Variants in TMED7 observed in about 807,000 individuals in gnomAD.
The protein encoded by TMED7 is transmembrane p24 trafficking protein 7.
In TMED7, 8 loss-of-function variants were observed where a neutral mutation model predicts 23.4. The ratio of observed to expected loss-of-function variants is 0.34; its 90% CI spans 0.20 to 0.62. The LOEUF (loss-of-function observed/expected upper bound fraction) is 0.62, where lower values mean the gene tolerates loss of function less well. TMED7 is among the 20% of genes least tolerant of loss of function. TMED7 has a pLI of 0.77. For synonymous variants in TMED7, 121 were observed against 108.5 expected (o/e 1.12, Z -0.72); for missense variants, 232 against 279.1 (o/e 0.83, Z 1.20).
At chr5:115,623,347 G>A (rs138501412) in intron 1 of TMED7, among the ~76,000 whole-genome samples, 151 of 152,248 alleles carry the variant, frequency 9.9e-4, no homozygotes, top group African/African-American at 3.6e-3. Flanking sequence ...TTCCTGCTAC[G>A]CAGCTAGTCT....
chr5:115,619,605 G>C (rs918813110), intron 2 of TMED7, among the ~76,000 whole-genome samples: 1 of 152,016 alleles, frequency 6.6e-6, no homozygotes, highest in African/African-American at 2.4e-5. Flanking sequence ...AGATATCTTT[G>C]TGATGGAACC....
At chr5:115,618,336 T>C (rs553106142) in intron 2 of TMED7, among the ~76,000 whole-genome samples, 1 of 152,234 alleles carries the variant, frequency 6.6e-6, no homozygotes, top group Non-Finnish European at 1.5e-5. Context: ...AATAGTATTA[T>C]AACACATGAA....
intron 1 of TMED7, among the ~76,000 whole-genome samples, chr5:115,624,346 T>C (rs1757132204): frequency 6.6e-6 from 1 of 151,988 alleles, no homozygotes; most frequent in East Asian, 1.9e-4. Context: ...CCTACTACCT[T>C]CTCTCCAATC....
At position 115,614,854 on chromosome 5, in the gene TMED7, C is replaced by T. The variant is rs1190069132; in HGVS notation, c.*1355G>A. On this transcript the variant is annotated 3_prime_UTR_variant, in exon 3 of 3. Coordinates refer to ENST00000456936, the MANE Select transcript of TMED7 (RefSeq NM_181836.6). The stretch of plus-strand genomic sequence containing the variant: ...ACATACCAAAGTCTCTACAATATGA[C>T]AGTCTTGTCTTGTTCAGAACTCATC... 6.6e-6 allele frequency: 1 copy of T among 151,340 alleles called. No individual in the cohort carries two copies. Among genetic ancestry groups the T allele is most frequent in the Non-Finnish European group, 1.5e-5 (1 of 67,856 alleles). The allele number at this position is 151,340 out of a possible 1,614,324, so 9.4% of individuals were successfully genotyped here. A position where few individuals can be genotyped will look rare whatever the true frequency, so the allele number is the denominator to read the frequency against.
In TMED7 at chr5:115,620,536, C is replaced by T. The variant is rs1756992063; in HGVS notation, c.337G>A (p.Glu113Lys). ...GTTTTATGTGTGAAAGTAGAAAATT[C>T]ATTGCTGAAGCAAAATTTGTATGTC... Reference protein sequence around the residue: ...NGTYKFCFSNEFSTFTHKTVY... With the variant: ...NGTYKFCFSNKFSTFTHKTVY... Residue 113 changes from glutamate (E) to lysine (K), a missense_variant, in exon 2 of 3, where the codon GAA becomes AAA. This residue lies in a region of TMED7 where 126 missense variants were observed against 182.1 expected (regional missense o/e 0.69). Coordinates refer to ENST00000456936, the MANE Select transcript of TMED7 (RefSeq NM_181836.6). 6.2e-7 allele frequency: 1 copy of T among 1,604,964 alleles called. No homozygotes were observed. Among genetic ancestry groups the T allele is most frequent in the Non-Finnish European group, 8.5e-7 (1 of 1,176,656 alleles).
Position 115,614,787 on chromosome 5 carries a change from T to G in TMED7, c.*1422A>C, listed in dbSNP as rs1485755637. 1 of 152,142 alleles carries G rather than the reference T, an allele frequency of 6.6e-6. No homozygotes were observed. The highest frequency in any genetic ancestry group is 2.4e-5 in the African/African-American group (1 of 41,470). 9.4% of individuals were successfully genotyped at this position (152,142 alleles called of 1,614,324 possible). A position where few individuals can be genotyped will look rare whatever the true frequency, so the allele number is the denominator to read the frequency against. On this transcript the variant is annotated 3_prime_UTR_variant, in exon 3 of 3. Coordinates refer to ENST00000456936, the MANE Select transcript of TMED7 (RefSeq NM_181836.6). Reference sequence around the variant, plus strand: ...AGAGTTAACTTCTAGTCAGTATTGGTAAGTGACTAGGATGGCTATCCAATC... The same window carrying G: ...AGAGTTAACTTCTAGTCAGTATTGGGAAGTGACTAGGATGGCTATCCAATC...
chr5:115,624,539 C>G (rs201163237), intron 1 of TMED7, among the ~76,000 whole-genome samples: 1 of 152,344 alleles, frequency 6.6e-6, no homozygotes, highest in Admixed American at 6.5e-5. Context: ...CGTCATATCA[C>G]TGAACTGCTT....
chr5:115,622,889 T>C (rs1757081060), intron 1 of TMED7, among the ~76,000 whole-genome samples: 1 of 152,240 alleles, frequency 6.6e-6, no homozygotes. Flanking sequence ...ACATCTGCAC[T>C]GACAGTGCAG....
intron 2 of TMED7, among the ~76,000 whole-genome samples, chr5:115,616,867 T>C (rs1352085504): frequency 6.6e-6 from 1 of 152,090 alleles, no homozygotes; most frequent in African/African-American, 2.4e-5. Context: ...TCTATAAAAA[T>C]AAACAAAGCA....
intron 1 of TMED7, among the ~76,000 whole-genome samples, chr5:115,623,114 G>A (rs557189900): frequency 1.3e-5 from 2 of 152,112 alleles, no homozygotes; most frequent in Non-Finnish European, 2.9e-5. Context: ...GCCCCAAAAG[G>A]AAAAGAATAT....
intron 2 of TMED7, among the ~76,000 whole-genome samples, chr5:115,618,856 G>A (rs1318869726): frequency 6.6e-6 from 1 of 152,012 alleles, no homozygotes; most frequent in Non-Finnish European, 1.5e-5. Flanking sequence ...TTATCAACAG[G>A]TAAAAAATGG....
intron 2 of TMED7, chr5:115,620,107 G>A (rs1756971999): frequency 5.5e-6 from 1 of 182,680 alleles, no homozygotes; most frequent in Non-Finnish European, 1.1e-5. Flanking sequence ...CATTCCTTCA[G>A]GGATTAAAGA....
intron 2 of TMED7, among the ~76,000 whole-genome samples, chr5:115,618,865 G>T (rs1756903382): frequency 6.6e-6 from 1 of 152,092 alleles, no homozygotes; most frequent in Non-Finnish European, 1.5e-5. Context: ...GGTAAAAAAT[G>T]GTGAGAGTAA....
In TMED7 at chr5:115,625,965, G is replaced by A. The variant is rs1248742286; in HGVS notation, c.-173C>T. ...GAGCGACCCTCCGGCTTCCTGTGAG[G>A]GGCGCAGACGGGCGGACCTGGGGAG... On this transcript the variant is annotated 5_prime_UTR_variant, in exon 1 of 3. Transcript: ENST00000456936. The A allele has an allele frequency of 4.7e-6, 4 of 852,144 alleles. No individual in the cohort carries two copies. Among genetic ancestry groups the A allele is most frequent in the Admixed American group, 8.7e-5 (2 of 22,908 alleles). The allele number at this position is 852,144 out of a possible 1,614,324, so 52.8% of individuals were successfully genotyped here. A position where few individuals can be genotyped will look rare whatever the true frequency, so the allele number is the denominator to read the frequency against.
At position 115,616,415 on chromosome 5, in the gene TMED7, C is replaced by A; in HGVS notation, c.469G>T (p.Ala157Ser). The change falls in exon 3 of 3, where the codon GCT (alanine) becomes TCT (serine). Residue 157 changes from alanine (A) to serine (S), a missense_variant. Physicochemically the swap from Ala to Ser is moderately conservative, Grantham distance 99. Around this residue, in one of 2 missense-constraint regions of TMED7, gnomAD observed 126 missense variants for 182.1 expected, o/e 0.69. Coordinates refer to ENST00000456936, the MANE Select transcript of TMED7 (RefSeq NM_181836.6). ...TGATAATCGATGACAGACTTCAGAG[C>A]TTCGTGAATTGAAACACAGGCAGAT... ...MESACVSIHE[A>S]LKSVIDYQTH... is the part of the protein sequence containing the mutation. 1 of 1,614,156 alleles carries A rather than the reference C, an allele frequency of 6.2e-7. No individual in the cohort carries two copies. The highest frequency in any genetic ancestry group is 8.5e-7 in the Non-Finnish European group (1 of 1,180,002).
intron 2 of TMED7, among the ~76,000 whole-genome samples, chr5:115,617,896 T>G (rs562016934): frequency 1.4e-4 from 22 of 152,148 alleles, no homozygotes; most frequent in Admixed American, 1.4e-3. Context: ...TAGGTTCAAG[T>G]GATTCTCCTG....
At chr5:115,618,669 T>C (rs1756891961) in intron 2 of TMED7, among the ~76,000 whole-genome samples, 1 of 152,212 alleles carries the variant, frequency 6.6e-6, no homozygotes, top group Non-Finnish European at 1.5e-5. Flanking sequence ...GAACGTCTAG[T>C]AGTCAATGTT....
rs1325386157 is a variant in TMED7 at position 115,620,350 on chromosome 5, C to A, written c.438+85G>T. The A allele has an allele frequency of 3.7e-6, 5 of 1,340,586 alleles. No homozygotes were observed. The African/African-American group carries it at 7.5e-5, about 20-fold the overall frequency. The allele number at this position is 1,340,586 out of a possible 1,614,324, so 83.0% of individuals were successfully genotyped here. Reference sequence around the variant, plus strand: ...AGACTGTCAGTCTCAAAATTCCATGCTCATCAGTTAGTGCATGATATTAAA... The same window carrying A: ...AGACTGTCAGTCTCAAAATTCCATGATCATCAGTTAGTGCATGATATTAAA... On this transcript the variant is annotated intron_variant, in intron 2 of 2. Coordinates refer to ENST00000456936, the MANE Select transcript of TMED7 (RefSeq NM_181836.6).
rs759763940 is a variant in TMED7, at chr5:115,625,724, T to G, written c.69A>C (p.Ala23=). Residue 23 remains alanine (A), a synonymous_variant, in exon 1 of 3, where the codon GCA becomes GCC. Transcript: ENST00000456936. ...CGGGTCCAGGCACCAGTAGCAGCAG[T>G]GCGAGCAGCCTGCACCCCCAACGGC... ...VAGRWGCRLL[A]LLLLVPGPGG... 1 of 1,594,460 alleles carries G rather than the reference T, an allele frequency of 6.3e-7. No individual in the cohort carries two copies. Among genetic ancestry groups the G allele is most frequent in the East Asian group, 2.3e-5 (1 of 43,222 alleles).
Sources: allele counts gnomAD v4.1 joint callset (sites outside exome capture counted in the v4.1 genomes callset), GRCh38; gene constraint gnomAD v4.1.1; regional missense constraint gnomAD v4.1.1; transcripts MANE v1.5; gene names NCBI Gene and HGNC (gene_info 2026-07-23, HGNC 2026-07-21).